CFAP74: variants seen among roughly 807,000 people sequenced by gnomAD.
CFAP74 encodes cilia and flagella associated protein 74, also known as cilia- and flagella-associated protein 74.
In CFAP74, 124 loss-of-function variants were observed where a neutral mutation model predicts 188.9. That is an observed-to-expected ratio of 0.66 (90% CI 0.57 to 0.76). CFAP74 has a LOEUF of 0.76. Ranked by LOEUF, CFAP74 falls within the 30% of genes least tolerant of loss-of-function variation. CFAP74 has a pLI of 0.00. For synonymous variants in CFAP74, 956 were observed against 916.7 expected, an observed-to-expected ratio of 1.04 and a Z score of -0.77; for missense variants, 2,198 against 2,165.2, an observed-to-expected ratio of 1.02 and a Z score of -0.30.
intron 9 of CFAP74, among the ~76,000 whole-genome samples, chr1:1,971,199 A>G (rs1558042723): frequency 6.6e-6 from 1 of 151,500 alleles, no homozygotes; most frequent in African/African-American, 2.4e-5. Flanking sequence ...AGACGTGCTT[A>G]CATGCACACC....
intron 30 of CFAP74, 38 bp from the exon 31 acceptor site, chr1:1,926,550 G>T (rs1651915311): frequency 6.5e-7 from 1 of 1,549,612 alleles, no homozygotes; most frequent in Admixed American, 2.0e-5. Context: ...CCAGCCCCAG[G>T]CCCCAGGGAG....
Position 1,923,377 on chromosome 1 carries a change from C to T in CFAP74, c.4512G>A (p.Arg1504=), listed in dbSNP as rs776978719. Residue 1504 remains arginine (R), a synonymous_variant, in exon 36 of 39, where the codon AGG becomes AGA. Transcript: ENST00000682832. The surrounding 1 kb of genome is among the most constrained non-coding windows in gnomAD (Gnocchi z 6.3). ...SLTAIPVFDP[R]HREASSRPGP... is the part of the protein sequence containing the mutation. ...TGGGGAGGGGCTCACCCTCTCTGTG[C>T]CTGGGGTCAAATACAGGGATCGCTG... The T allele has an allele frequency of 6.3e-7, 1 of 1,575,636 alleles. No individual in the cohort carries two copies. Among genetic ancestry groups the T allele is most frequent in the Admixed American group, 1.9e-5 (1 of 53,082 alleles).
At chr1:1,996,601 G>C (rs1310952570) in intron 1 of CFAP74, among the ~76,000 whole-genome samples, 1 of 152,040 alleles carries the variant, frequency 6.6e-6, no homozygotes, top group African/African-American at 2.4e-5. Context: ...GCTTCTAAGT[G>C]GACTGGCAGT....
intron 2 of CFAP74, among the ~76,000 whole-genome samples, chr1:1,990,187 T>G (rs77986465): frequency 0.016 from 2,400 of 152,350 alleles, 58 homozygotes; most frequent in East Asian, 0.087. Context: ...ATGTTCTCTG[T>G]GTCTTCAATA....
rs1451195843 is a variant in CFAP74, at chr1:1,923,617, C to G, written c.4390-118G>C. The G allele has an allele frequency of 6.6e-7, 1 of 1,524,940 alleles. No individual in the cohort carries two copies. Among genetic ancestry groups the G allele is most frequent in the Non-Finnish European group, 8.9e-7 (1 of 1,126,922 alleles). The allele number at this position is 1,524,940 out of a possible 1,614,324, so 94.5% of individuals were successfully genotyped here. On this transcript the variant is annotated intron_variant, in intron 35 of 38. Transcript: ENST00000682832. This position sits in a 1 kb window ranked among gnomAD's most constrained non-coding sequence, Gnocchi z 6.3. Reference sequence around the variant, plus strand: ...GACGGCCTGGGGGCCCCGTGGGGCCCTGGACTCTGGTCTTTCCACTGACGG... The same window carrying G: ...GACGGCCTGGGGGCCCCGTGGGGCCGTGGACTCTGGTCTTTCCACTGACGG...
At chr1:1,997,349 G>A (rs1307299058) in intron 1 of CFAP74, among the ~76,000 whole-genome samples, 1 of 151,936 alleles carries the variant, frequency 6.6e-6, no homozygotes, top group Admixed American at 6.6e-5. Flanking sequence ...TTGAACCCAG[G>A]AGGCGGAGGT....
intron 31 of CFAP74, 36 bp downstream of exon 31, chr1:1,926,421 C>A (rs1028148326): frequency 4.5e-6 from 7 of 1,550,182 alleles, no homozygotes; most frequent in Admixed American, 2.0e-5. Context: ...CCCGCTCCCA[C>A]CCCGCAGGCC....
At position 1,985,433 on chromosome 1, in the gene CFAP74, G is replaced by C; in HGVS notation, c.453C>G (p.Asn151Lys). The C allele has an allele frequency of 1.2e-6, 2 of 1,614,098 alleles. No individual in the cohort carries two copies. The highest frequency in any genetic ancestry group is 3.3e-5 in the Admixed American group (2 of 60,026). The change falls in exon 6 of 39, where the codon AAC becomes AAG. Residue 151 changes from asparagine (N) to lysine (K), a missense_variant. Physicochemically the swap from Asn to Lys is moderately conservative, Grantham distance 94 (BLOSUM62 0). Transcript: ENST00000682832. Reference protein sequence around the residue: ...VSRRLFAELENERDLQSRTEA... With the variant: ...VSRRLFAELEKERDLQSRTEA... ...CAGTCCTCGACTGCAGGTCTCTCTC[G>C]TTCTCCAGCTCTGCAAACAGGCGTC...
chr1:1,944,113 C>T (rs539104357), intron 21 of CFAP74, among the ~76,000 whole-genome samples: 46 of 152,312 alleles, frequency 3.0e-4, no homozygotes, highest in African/African-American at 1.1e-3. Context: ...GGATGCCGTT[C>T]AGGGCCTGGA....
At chr1:1,980,648 C>A (rs531804229) in intron 6 of CFAP74, among the ~76,000 whole-genome samples, 2 of 152,344 alleles carry the variant, frequency 1.3e-5, no homozygotes, top group African/African-American at 4.8e-5. Context: ...GACGCTTCTG[C>A]CAGCCCATGG....
intron 2 of CFAP74, among the ~76,000 whole-genome samples, chr1:1,990,369 C>T (rs113005638): frequency 0.018 from 1,796 of 99,028 alleles, 33 homozygotes; most frequent in African/African-American, 0.064. Flanking sequence ...ACAAGGGGGG[C>T]GGGAGAGGGA....
chr1:1,946,278 G>T, intron 20 of CFAP74, 39 bp downstream of exon 20: 2 of 1,509,642 alleles, frequency 1.3e-6, no homozygotes, highest in Non-Finnish European at 1.8e-6. Flanking sequence ...GGAGGCAGGG[G>T]CCAGGGTGTG....
At chr1:1,955,235 C>CA (rs778591267) in intron 18 of CFAP74, 11 of 1,290,304 alleles carry the variant, frequency 8.5e-6, no homozygotes, top group Non-Finnish European at 1.0e-5. Context: ...GGAGGAGACG[C>CA]AAGCGATTCC....
intron 2 of CFAP74, 99 bp downstream of exon 2, chr1:1,990,791 C>A: frequency 1.2e-6 from 1 of 830,566 alleles, no homozygotes; most frequent in East Asian, 2.6e-5. Context: ...AAAAGATACC[C>A]TCTCCCAGAA....
At chr1:1,982,260 ACACGCAGGACACCCAGCCGTGGTCACACG>A (rs1656944554) in intron 6 of CFAP74, among the ~76,000 whole-genome samples, 1 of 95,278 alleles carries the variant, frequency 1.0e-5, no homozygotes, top group Non-Finnish European at 2.4e-5. Context: ...ACACGCGGGG[ACACGCAGGACACCCAGCCGTGGTCACACG>A]CGGGGACACG....
rs1570953297 is a variant in CFAP74 at position 1,973,916 on chromosome 1, T to C, written c.674+109A>G. On this transcript the variant is annotated intron_variant, in intron 7 of 38. Coordinates refer to ENST00000682832, the MANE Select transcript of CFAP74 (RefSeq NM_001304360.2). This position sits in a 1 kb window ranked among gnomAD's most constrained non-coding sequence, Gnocchi z 6.2. Reference sequence around the variant, plus strand: ...AGGCAGGGAGGGGTGGAGGTGGATCTGGACAGATGTGGAGGGCGAGGCTGA... The same window carrying C: ...AGGCAGGGAGGGGTGGAGGTGGATCCGGACAGATGTGGAGGGCGAGGCTGA... The C allele has an allele frequency of 2.8e-6, 3 of 1,089,220 alleles. No individual in the cohort carries two copies. Among genetic ancestry groups the C allele is most frequent in the East Asian group, 2.9e-5 (1 of 34,036 alleles). The allele number at this position is 1,089,220 out of a possible 1,614,324, so 67.5% of individuals were successfully genotyped here. A position where few individuals can be genotyped will look rare whatever the true frequency, so the allele number is the denominator to read the frequency against.
At position 1,966,530 on chromosome 1, in the gene CFAP74, C is replaced by G. The variant is rs544429524; in HGVS notation, c.1246-4G>C. The G allele has an allele frequency of 3.9e-6, 6 of 1,541,932 alleles. No individual in the cohort carries two copies. Among genetic ancestry groups the G allele is most frequent in the African/African-American group, 1.4e-5 (1 of 72,218 alleles). On this transcript the variant is annotated splice_region_variant and splice_polypyrimidine_tract_variant and intron_variant, in intron 11 of 38. Transcript: ENST00000682832. ...GGCCTGCAGCAGCCTCGTAGTCCTG[C>G]AGTCGGGGAGAGGAACATCGCAAAG... is the stretch of plus-strand genomic sequence containing the variant.
chr1:1,966,875 C>T (rs2102072043), intron 11 of CFAP74, among the ~76,000 whole-genome samples: 1 of 147,536 alleles, frequency 6.8e-6, no homozygotes, highest in East Asian at 2.0e-4. Context: ...CTTGCACTGT[C>T]ACCTGGGCTA....
chr1:1,992,771 G>A (rs1301188305), intron 1 of CFAP74, among the ~76,000 whole-genome samples: 2 of 152,036 alleles, frequency 1.3e-5, no homozygotes, highest in East Asian at 3.9e-4. Flanking sequence ...ACCACGCCTG[G>A]CCCAAAAACA....
Sources: gnomAD v4.1 joint callset for allele counts (sites outside exome capture counted in the v4.1 genomes callset) on GRCh38, gnomAD v4.1.1 for gene constraint, Gnocchi (gnomAD v3.1) non-coding constraint, MANE v1.5 for transcripts, NCBI Gene and HGNC (gene_info 2026-07-23, HGNC 2026-07-21) for gene names.